GPC4: variants seen among roughly 807,000 people sequenced by gnomAD.
The protein encoded by GPC4 is glypican 4.
Under a neutral mutation model 35.0 loss-of-function variants are expected in GPC4, and 10 were observed. The observed-to-expected ratio is 0.29, with a 90% CI of 0.18 to 0.48. The LOEUF (loss-of-function observed/expected upper bound fraction) is 0.48. Ranked by LOEUF, GPC4 falls within the 20% of genes least tolerant of loss-of-function variation. GPC4 has a pLI of 0.99. For synonymous variants in GPC4, 167 were observed against 170.2 expected (o/e 0.98, Z 0.15); for missense variants, 322 against 451.3 (o/e 0.71, Z 2.60).
chrX:133,303,720 T>C (rs1368193957), intron 7 of GPC4, among the ~76,000 whole-genome samples: 1 of 109,692 alleles, frequency 9.1e-6, no homozygotes, highest in African/African-American at 3.3e-5. Context: ...GGTGTGGTGG[T>C]GTGTGCCTGT....
At chrX:133,381,279 T>C (rs2068659626) in intron 1 of GPC4, among the ~76,000 whole-genome samples, 1 of 112,473 alleles carries the variant, frequency 8.9e-6, no homozygotes, top group Non-Finnish European at 1.9e-5. Flanking sequence ...ACATTTATTT[T>C]GAAAATGTGA....
At chrX:133,367,422 T>G (rs1408068500) in intron 1 of GPC4, among the ~76,000 whole-genome samples, 1 of 112,578 alleles carries the variant, frequency 8.9e-6, no homozygotes, top group Non-Finnish European at 1.9e-5. Flanking sequence ...AAATGTAAAG[T>G]TCTCATAATG....
chrX:133,380,529 G>A (rs1350005479), intron 1 of GPC4, among the ~76,000 whole-genome samples: 2 of 111,529 alleles, frequency 1.8e-5, no homozygotes, highest in East Asian at 5.6e-4. Context: ...GAGGAGAACA[G>A]TTTTAGTTTG....
chrX:133,324,107 A>G (rs2068379484), intron 3 of GPC4, 38 bp downstream of exon 3: 1 of 1,140,829 alleles, frequency 8.8e-7, no homozygotes, highest in Non-Finnish European at 1.2e-6. Context: ...GAAAGAAAAC[A>G]AAACAAAAAC....
At chrX:133,323,121 C>CA (rs1387422252) in intron 3 of GPC4, among the ~76,000 whole-genome samples, 2 of 111,389 alleles carry the variant, frequency 1.8e-5, no homozygotes, top group Non-Finnish European at 3.8e-5. Flanking sequence ...GTCTCACCCA[C>CA]AAAAGACTTC....
chrX:133,409,320 TAAAAAAAAAAAAAAAAAAAAAA>T (rs36008423), intron 1 of GPC4, among the ~76,000 whole-genome samples: 5 of 31,800 alleles, frequency 1.6e-4, no homozygotes, highest in African/African-American at 4.9e-4. Context: ...GACCCTGCCT[TAAAAAAAAAAAAAAAAAAAAAA>T]AAAAAAAAAA....
chrX:133,308,185 A>G (rs1374812325), intron 4 of GPC4, among the ~76,000 whole-genome samples: 4 of 112,044 alleles, frequency 3.6e-5, no homozygotes, highest in Non-Finnish European at 7.5e-5. Flanking sequence ...AGAAAGCCAA[A>G]GATGATTGGT....
At chrX:133,404,862 A>C (rs1406925609) in intron 1 of GPC4, among the ~76,000 whole-genome samples, 2 of 100,718 alleles carry the variant, frequency 2.0e-5, no homozygotes, top group East Asian at 6.3e-4. Flanking sequence ...AAAAAAAAAA[A>C]AAAAAAGGTG....
intron 1 of GPC4, among the ~76,000 whole-genome samples, chrX:133,414,158 A>G (rs918883716): frequency 3.6e-5 from 4 of 111,052 alleles, no homozygotes; most frequent in Non-Finnish European, 7.5e-5. Flanking sequence ...GGAGGGGTGG[A>G]GAGTGGGGGT....
chrX:133,371,994 G>A (rs2068614246), intron 1 of GPC4, among the ~76,000 whole-genome samples: 1 of 110,506 alleles, frequency 9.0e-6, no homozygotes, highest in African/African-American at 3.3e-5. Context: ...AGCACTTTAG[G>A]AGGCCGAGGT....
chrX:133,327,265 T>G (rs1208035382), intron 2 of GPC4, among the ~76,000 whole-genome samples: 4 of 111,742 alleles, frequency 3.6e-5, no homozygotes, highest in African/African-American at 1.3e-4. Flanking sequence ...TCACTTGCAT[T>G]TTTAAGGAAC....
At chrX:133,400,557 G>A (rs2068764262) in intron 1 of GPC4, among the ~76,000 whole-genome samples, 1 of 112,131 alleles carries the variant, frequency 8.9e-6, no homozygotes, top group African/African-American at 3.2e-5. Flanking sequence ...TATCCCCAGC[G>A]CCTAGCAATT....
chrX:133,385,719 CA>C (rs1206982561), intron 1 of GPC4, among the ~76,000 whole-genome samples: 1 of 111,802 alleles, frequency 8.9e-6, no homozygotes, highest in Non-Finnish European at 1.9e-5. Context: ...CCAGAACAGG[CA>C]TTCCAATACT....
At chrX:133,320,258 T>C (rs1180026603) in intron 3 of GPC4, among the ~76,000 whole-genome samples, 1 of 111,824 alleles carries the variant, frequency 8.9e-6, no homozygotes, top group Non-Finnish European at 1.9e-5. Context: ...TCTCTTAGGC[T>C]AACATGAGAA....
At chrX:133,357,397 A>AAT (rs2068546387) in intron 1 of GPC4, among the ~76,000 whole-genome samples, 1 of 100,385 alleles carries the variant, frequency 1.0e-5, no homozygotes, top group African/African-American at 3.6e-5. Context: ...AAAAAAAAAA[A>AAT]TTTTTTTTTT....
At chrX:133,312,167 A>T (rs2068317473) in intron 3 of GPC4, among the ~76,000 whole-genome samples, 1 of 111,289 alleles carries the variant, frequency 9.0e-6, no homozygotes, top group Non-Finnish European at 1.9e-5. Context: ...GGTCAAACAA[A>T]GGGAGAGCAT....
Position 133,407,099 on chromosome X carries a change from C to T in GPC4, c.160+7707G>A, listed in dbSNP as rs1298976051. Among the ~76,000 whole-genome samples the T allele has an allele frequency of 1.4e-4, 15 of 109,609 alleles. No homozygotes were observed. In the East Asian group the frequency reaches 4.0e-3, roughly 29 times the overall value. On this transcript the variant is annotated intron_variant, in intron 1 of 8. Transcript: ENST00000370828. ...CTCAAAAAAAAAAAATACACACACA[C>T]ACACACACATTCATCCATCCATCCA...
intron 1 of GPC4, among the ~76,000 whole-genome samples, chrX:133,366,711 C>T (rs1162051820): frequency 9.0e-6 from 1 of 110,508 alleles, no homozygotes; most frequent in East Asian, 2.8e-4. Context: ...GGCCAATTCA[C>T]GGTGAATTGA....
At chrX:133,394,125 G>A (rs767647124) in intron 1 of GPC4, among the ~76,000 whole-genome samples, 3 of 110,239 alleles carry the variant, frequency 2.7e-5, no homozygotes, top group Non-Finnish European at 5.7e-5. Context: ...ACAAAAATTA[G>A]TCAGGCATGG....
Sources: allele counts gnomAD v4.1 joint callset (sites outside exome capture counted in the v4.1 genomes callset), GRCh38; gene constraint gnomAD v4.1.1; transcripts MANE v1.5; gene names NCBI Gene and HGNC (gene_info 2026-07-23, HGNC 2026-07-21).